ARHGEF25: variants seen among roughly 807,000 people sequenced by gnomAD.
The protein encoded by ARHGEF25 is RAC/CDC42 exchange factor.
A neutral mutation model predicts 74.0 loss-of-function variants in ARHGEF25; 42 were observed. The ratio of observed to expected loss-of-function variants is 0.57; its 90% confidence interval spans 0.44 to 0.73. The LOEUF (loss-of-function observed/expected upper bound fraction) is 0.73. ARHGEF25 is among the 30% of genes least tolerant of loss of function. ARHGEF25 has a pLI of 0.00. For missense variants in ARHGEF25, 645 were observed against 725.5 expected (o/e 0.89, Z 1.27); for synonymous variants, 293 against 278.6 (o/e 1.05, Z -0.51).
intron 13 of ARHGEF25, 28 bp downstream of exon 13, chr12:57,616,045 G>A (rs1884272855): frequency 6.3e-7 from 1 of 1,597,666 alleles, no homozygotes; most frequent in Non-Finnish European, 8.5e-7. Context: ...TCTTCCCGAT[G>A]TGCTCTCTCA....
At position 57,614,897 on chromosome 12, in the gene ARHGEF25, C is replaced by T. The variant is rs1299511556; in HGVS notation, c.910-70C>T. On this transcript the variant is annotated intron_variant, in intron 9 of 14. Transcript: ENST00000286494. This position sits in a 1 kb window ranked among gnomAD's most constrained non-coding sequence, Gnocchi z 4.6. ...TCCTGAGGGCCCTCACTGGTGTCCT[C>T]AGGGGAGGATGTGAGAGCTTCTAAG... 13 of 1,590,586 alleles carry T rather than the reference C, an allele frequency of 8.2e-6. No individual in the cohort carries two copies. In the African/African-American group the frequency reaches 1.2e-4, roughly 15 times the overall value.
At position 57,615,492 on chromosome 12, in the gene ARHGEF25, C is replaced by G. The variant is rs1884242229; in HGVS notation, c.1039-20C>G. ...CTTTTTCTTGTTCTTTTTCCAAGGC[C>G]ACTATCCTTTTGGTTTCAGGGCAAA... On this transcript the variant is annotated intron_variant, in intron 11 of 14. Coordinates refer to ENST00000286494, the MANE Select transcript of ARHGEF25 (RefSeq NM_182947.4). 1 of 1,613,962 alleles carries G rather than the reference C, an allele frequency of 6.2e-7. No homozygotes were observed. Among genetic ancestry groups the G allele is most frequent in the Non-Finnish European group, 8.5e-7 (1 of 1,179,878 alleles).
intron 12 of ARHGEF25, 29 bp downstream of exon 12, chr12:57,615,741 GGAGA>G: frequency 6.2e-7 from 1 of 1,613,862 alleles, no homozygotes; most frequent in South Asian, 1.1e-5. Flanking sequence ...GGGAGGGCTT[GGAGA>G]GAGAGAGGGC....
Position 57,612,983 on chromosome 12 carries a change from G to A in ARHGEF25, c.151G>A (p.Gly51Ser), listed in dbSNP as rs369276230. The change falls in exon 2 of 15, where the codon GGT (glycine) becomes AGT (serine). Residue 51 changes from glycine to serine, a missense_variant. Gly to Ser is a moderately conservative substitution (Grantham distance 56, BLOSUM62 0). Transcript: ENST00000286494. ...EGSISASAAS[G>S]LAAPSGPSSG... ...GAGTATATCGGCTTCTGCTGCCTCC[G>A]GTCTGGCTGCCCCCTCTGGCCCCAG... 1.5e-4 allele frequency: 241 copies of A among 1,613,970 alleles called. No individual in the cohort carries two copies. Among genetic ancestry groups the A allele is most frequent in the Non-Finnish European group, 1.8e-4 (215 of 1,180,022 alleles).
At chr12:57,616,111 C>A in intron 13 of ARHGEF25, 94 bp downstream of exon 13, 1 of 1,503,836 alleles carries the variant, frequency 6.6e-7, no homozygotes, top group South Asian at 1.3e-5. Flanking sequence ...ACCCTCTGAC[C>A]ATGGCCCATC....
intron 10 of ARHGEF25, 45 bp downstream of exon 10, chr12:57,615,062 C>T: frequency 1.9e-6 from 3 of 1,607,224 alleles, no homozygotes; most frequent in African/African-American, 1.3e-5. Flanking sequence ...GCTCCTTATC[C>T]TCCTAGTATC....
At position 57,616,050 on chromosome 12, in the gene ARHGEF25, C is replaced by T. The variant is rs139005421; in HGVS notation, c.1420+33C>T. 7 of 1,591,876 alleles carry T rather than the reference C, an allele frequency of 4.4e-6. No individual in the cohort carries two copies. In the Admixed American group the frequency reaches 8.5e-5, roughly 19 times the overall value. On this transcript the variant is annotated intron_variant, in intron 13 of 14. Transcript: ENST00000286494. ...TCTCATCCTTTCTTCCCGATGTGCTCTCTCAGCCCCTTAACCTCCTGAATC... is the reference window on the plus strand; with the variant it reads ...TCTCATCCTTTCTTCCCGATGTGCTTTCTCAGCCCCTTAACCTCCTGAATC...
chr12:57,614,354 G>A lies in ARHGEF25; in HGVS notation c.680G>A (p.Arg227Gln), dbSNP rs547082119. 3.1e-6 allele frequency: 5 copies of A among 1,614,068 alleles called. No homozygotes were observed. Among genetic ancestry groups the A allele is most frequent in the Middle Eastern group, 1.6e-4 (1 of 6,062 alleles). The change falls in exon 7 of 15, where the codon CGG becomes CAG. Residue 227 changes from arginine (R) to glutamine (Q), a missense_variant. Arg to Gln is a conservative substitution (Grantham distance 43, BLOSUM62 1). Around this residue, in one of 3 missense-constraint regions of ARHGEF25, gnomAD observed 194 missense variants for 269.4 expected, o/e 0.72. Coordinates refer to ENST00000286494, the MANE Select transcript of ARHGEF25 (RefSeq NM_182947.4). The surrounding 1 kb of genome is among the most constrained non-coding windows in gnomAD (Gnocchi z 4.6). Reference protein sequence around the residue: ...HRDYFLQELQRCLKDPDWLAQ... With the variant: ...HRDYFLQELQQCLKDPDWLAQ... ...AGCTATTTCTTGCAAGAGCTACAAC[G>A]GTGTCTGAAAGATCCTGATTGGCTG...
chr12:57,612,873 C>A (rs1017036242), intron 1 of ARHGEF25, 57 bp from the exon 2 acceptor site: 1 of 1,575,244 alleles, frequency 6.3e-7, no homozygotes, highest in African/African-American at 1.4e-5. Context: ...TCCCTGGGGA[C>A]CCTGAGTCTG....
At chr12:57,616,596 C>T (rs1884302999) in intron 14 of ARHGEF25, 101 bp downstream of exon 14, 1 of 1,154,934 alleles carries the variant, frequency 8.7e-7, no homozygotes, top group East Asian at 2.4e-5. Flanking sequence ...TTCCTTTTAT[C>T]TGGTCCTTCC....
upstream of ARHGEF25, chr12:57,610,284 TGCGCGCATGCGC>T: frequency 6.5e-7 from 1 of 1,533,666 alleles, no homozygotes; most frequent in East Asian, 2.5e-5. Flanking sequence ...GGGGGCATGC[TGCGCGCATGCGC>T]CCTCCCTGGG....
At chr12:57,616,741 A>C in intron 14 of ARHGEF25, 43 bp from the exon 15 acceptor site, 1 of 1,401,330 alleles carries the variant, frequency 7.1e-7, no homozygotes. Context: ...GTGAGGGTAG[A>C]TTTCTGGCCT....
Position 57,616,356 on chromosome 12 carries a change from G to A in ARHGEF25, c.1493G>A (p.Gly498Glu). Residue 498 changes from glycine to glutamate, a missense_variant, in exon 14 of 15, where the codon GGA becomes GAA. Gly to Glu is a moderately conservative substitution (Grantham distance 98, BLOSUM62 -2). Around this residue, in one of 3 missense-constraint regions of ARHGEF25, gnomAD observed 262 missense variants for 256.9 expected, o/e 1.02. Transcript: ENST00000286494. Reference protein sequence around the residue: ...TNSLGRPRGPGVGSPGRIQLG... With the variant: ...TNSLGRPRGPEVGSPGRIQLG... ...AGCCTGGGGCGGCCAAGAGGGCCTG[G>A]AGTGGGGAGCCCTGGAAGAATTCAG... 8 of 1,614,112 alleles carry A rather than the reference G, an allele frequency of 5.0e-6. No homozygotes were observed. The highest frequency in any genetic ancestry group is 6.8e-6 in the Non-Finnish European group (8 of 1,180,024).
Position 57,611,845 on chromosome 12 carries a change from T to A in ARHGEF25, c.-50T>A, listed in dbSNP as rs1279866262. Reference sequence around the variant, plus strand: ...CCGTCCCCGCCCCGCCCCCCGTGATTCCCCCTGCATGGCCGGCCCGGGTGG... The same window carrying A: ...CCGTCCCCGCCCCGCCCCCCGTGATACCCCCTGCATGGCCGGCCCGGGTGG... On this transcript the variant is annotated 5_prime_UTR_variant, in exon 1 of 15. Transcript: ENST00000286494. This position sits in a 1 kb window ranked among gnomAD's most constrained non-coding sequence, Gnocchi z 4.5. The A allele has an allele frequency of 8.5e-7, 1 of 1,170,450 alleles. No individual in the cohort carries two copies. Among genetic ancestry groups the A allele is most frequent in the East Asian group, 3.3e-5 (1 of 30,078 alleles). The allele number at this position is 1,170,450 out of a possible 1,614,324, so 72.5% of individuals were successfully genotyped here.
chr12:57,610,387 C>T, upstream of ARHGEF25: 1 of 1,242,928 alleles, frequency 8.0e-7, no homozygotes, highest in Non-Finnish European at 1.1e-6. Context: ...CACAACTCAA[C>T]TTATCCGAAA....
At chr12:57,610,524 G>T (rs1426777057), upstream of ARHGEF25, 2 of 1,517,518 alleles carry the variant, frequency 1.3e-6, no homozygotes, top group African/African-American at 1.4e-5. Flanking sequence ...GGGAGGTCAG[G>T]GCTGCCTAGG....
upstream of ARHGEF25, among the ~76,000 whole-genome samples, chr12:57,610,976 C>A (rs1019333782): frequency 6.6e-5 from 10 of 152,276 alleles, no homozygotes; most frequent in Non-Finnish European, 1.3e-4. Flanking sequence ...GTCCCGGGGC[C>A]TGGAGGAAAG....
At chr12:57,615,204 C>T (rs1393071774) in intron 10 of ARHGEF25, 33 bp from the exon 11 acceptor site, 3 of 1,575,060 alleles carry the variant, frequency 1.9e-6, no homozygotes, top group Non-Finnish European at 2.6e-6. Flanking sequence ...ACTCTCTTCG[C>T]CCAACAATGC....
At chr12:57,612,109 A>T in intron 1 of ARHGEF25, 118 bp downstream of exon 1, 1 of 853,968 alleles carries the variant, frequency 1.2e-6, no homozygotes, top group Non-Finnish European at 1.6e-6. Flanking sequence ...TTTCCAGGAA[A>T]GTGGTTTCTT....
Sources: allele counts gnomAD v4.1 joint callset (sites outside exome capture counted in the v4.1 genomes callset), GRCh38; gene constraint gnomAD v4.1.1; regional missense constraint gnomAD v4.1.1; non-coding constraint Gnocchi (gnomAD v3.1); transcripts MANE v1.5; gene names NCBI Gene and HGNC (gene_info 2026-07-23, HGNC 2026-07-21).